Variants in MON2 observed in about 807,000 individuals in gnomAD.
MON2 encodes MON2 regulator of endosome-to-Golgi trafficking.
MON2 carries 84 observed loss-of-function variants against 208.6 expected under a neutral mutation model. That is an observed-to-expected ratio of 0.40 (90% CI 0.34 to 0.48). The LOEUF (loss-of-function observed/expected upper bound fraction) is 0.48, where lower values mean the gene tolerates loss of function less well. Ranked by LOEUF, MON2 falls within the 20% of genes least tolerant of loss-of-function variation. The pLI is 0.59. For synonymous variants in MON2, 660 were observed against 694.0 expected (o/e 0.95, Z 0.77); for missense variants, 1,611 against 2,015.4 (o/e 0.80, Z 3.84).
chr12:62,497,265 G>A (rs1317047901), intron 4 of MON2, among the ~76,000 whole-genome samples: 1 of 151,668 alleles, frequency 6.6e-6, no homozygotes, highest in Non-Finnish European at 1.5e-5. Context: ...GTACACATAT[G>A]TAACTAACCT....
chr12:62,495,175 A>T (rs2070399227), intron 4 of MON2, 28 bp downstream of exon 4: 1 of 1,578,276 alleles, frequency 6.3e-7, no homozygotes, highest in African/African-American at 1.4e-5. Flanking sequence ...CAGAGTTCAT[A>T]TGTGCTTTGA....
chr12:62,585,829 G>T, intron 33 of MON2: 1 of 175,352 alleles, frequency 5.7e-6, no homozygotes, highest in Non-Finnish European at 1.2e-5. Context: ...AGTACTTGTG[G>T]ATCTCTATGA....
intron 32 of MON2, among the ~76,000 whole-genome samples, 164 bp from the exon 33 acceptor site, chr12:62,585,125 CAAAAA>C (rs750233421): frequency 3.1e-5 from 2 of 64,274 alleles, no homozygotes; most frequent in African/African-American, 6.7e-5. Context: ...CAAAAAAAAA[CAAAAA>C]AAAAACACAT....
rs147358087 is a variant in MON2, at chr12:62,475,749, C to A, written c.112-8421C>A. Among the ~76,000 whole-genome samples the A allele has an allele frequency of 9.7e-3, 1,451 of 149,276 alleles. 19 individuals carry two copies. Among genetic ancestry groups the A allele is most frequent in the African/African-American group, 0.033 (1,359 of 40,710 alleles). ...CTTCAGCCGGGCACAGTGGCTCATGCCTGTAATCCCAGCACTTTGGGAGGC... is the reference window on the plus strand; with the variant it reads ...CTTCAGCCGGGCACAGTGGCTCATGACTGTAATCCCAGCACTTTGGGAGGC... On this transcript the variant is annotated intron_variant, in intron 1 of 34. Coordinates refer to ENST00000393630, the MANE Select transcript of MON2 (RefSeq NM_015026.3).
At chr12:62,467,494 G>A (rs780653656) in intron 1 of MON2, among the ~76,000 whole-genome samples, 176 bp downstream of exon 1, 4 of 152,130 alleles carry the variant, frequency 2.6e-5, no homozygotes, top group African/African-American at 4.8e-5. Flanking sequence ...GAGGGCTGAG[G>A]CACTTTGATT....
chr12:62,520,055 T>G (rs1390893444), intron 8 of MON2, among the ~76,000 whole-genome samples: 1 of 152,228 alleles, frequency 6.6e-6, no homozygotes, highest in Non-Finnish European at 1.5e-5. Flanking sequence ...GACCTCGTGA[T>G]CTGCCCGCCT....
chr12:62,501,213 C>T (rs1182880527), intron 6 of MON2, among the ~76,000 whole-genome samples: 3 of 151,896 alleles, frequency 2.0e-5, no homozygotes, highest in African/African-American at 7.3e-5. Flanking sequence ...TACATAGATA[C>T]CTGATTTTTA....
In MON2 at chr12:62,524,505, A is replaced by T; in HGVS notation, c.985-10A>T. 1 of 1,591,806 alleles carries T rather than the reference A, an allele frequency of 6.3e-7. No homozygotes were observed. The highest frequency in any genetic ancestry group is 1.1e-5 in the South Asian group (1 of 90,338). ...TCAAAGAAATAGTATTAAAAATCATATATTTTTAGGTAACTGAATGTGAGA... is the reference window on the plus strand; with the variant it reads ...TCAAAGAAATAGTATTAAAAATCATTTATTTTTAGGTAACTGAATGTGAGA... On this transcript the variant is annotated splice_polypyrimidine_tract_variant and intron_variant, in intron 8 of 34. Transcript: ENST00000393630.
intron 1 of MON2, chr12:62,470,728 C>G (rs1278949122): frequency 8.6e-7 from 1 of 1,164,462 alleles, no homozygotes; most frequent in East Asian, 7.5e-5. Flanking sequence ...CTAACTGAGC[C>G]TGGAAGTTGG....
At chr12:62,534,140 C>T (rs1354980696) in intron 12 of MON2, among the ~76,000 whole-genome samples, 1 of 151,998 alleles carries the variant, frequency 6.6e-6, no homozygotes, top group Admixed American at 6.5e-5. Context: ...CCTATAATCC[C>T]AGCTACCTGG....
chr12:62,549,698 T>C lies in MON2; in HGVS notation c.2784T>C (p.Cys928=), dbSNP rs1463022060. Residue 928 remains cysteine, a synonymous_variant, in exon 23 of 35, where the codon TGT becomes TGC. Coordinates refer to ENST00000393630, the MANE Select transcript of MON2 (RefSeq NM_015026.3). ...CCTTGATACGAACTGCATTCCAGTG[T>C]CTTCAGTTGGTTGTGACAGATTTTC... is the stretch of plus-strand genomic sequence containing the variant. ...GESLIRTAFQ[C]LQLVVTDFLP... is the part of the protein sequence containing the mutation. 6.2e-7 allele frequency: 1 copy of C among 1,610,282 alleles called. No homozygotes were observed.
chr12:62,509,720 G>T (rs1423046623), intron 8 of MON2, among the ~76,000 whole-genome samples: 1 of 152,096 alleles, frequency 6.6e-6, no homozygotes, highest in Non-Finnish European at 1.5e-5. Context: ...ATGGAATCCA[G>T]CCAGAAATCA....
At chr12:62,534,517 G>T (rs10784305) in intron 12 of MON2, among the ~76,000 whole-genome samples, 66,080 of 87,914 alleles carry the variant, frequency 0.75, 22,506 homozygotes, top group Middle Eastern at 0.8. Context: ...AGACTCCATC[G>T]CAAAAAAAAA....
In MON2 at chr12:62,597,172, T is replaced by C. The variant is rs1009424019; in HGVS notation, c.*4423T>C. ...ATTTATTACTATATTGTAAGAGAGA[T>C]CTTTGACCATTTTTCTTCCTTTTTC... On this transcript the variant is annotated 3_prime_UTR_variant, in exon 35 of 35. Coordinates refer to ENST00000393630, the MANE Select transcript of MON2 (RefSeq NM_015026.3). The C allele has an allele frequency of 5.3e-5, 8 of 152,204 alleles. No homozygotes were observed. The highest frequency in any genetic ancestry group is 1.9e-4 in the African/African-American group (8 of 41,452). 9.4% of individuals were successfully genotyped at this position (152,204 alleles called of 1,614,324 possible). A position where few individuals can be genotyped will look rare whatever the true frequency, so the allele number is the denominator to read the frequency against.
intron 8 of MON2, among the ~76,000 whole-genome samples, chr12:62,520,449 CTGTT>C (rs1449301026): frequency 2.6e-5 from 4 of 151,952 alleles, no homozygotes; most frequent in East Asian, 1.9e-4. Context: ...TTTTGAGAAA[CTGTT>C]TGTACAGTAT....
intron 25 of MON2, among the ~76,000 whole-genome samples, chr12:62,557,283 A>T (rs1276188125): frequency 6.6e-6 from 1 of 152,196 alleles, no homozygotes; most frequent in Non-Finnish European, 1.5e-5. Context: ...TTGGTTGTGT[A>T]TATCAGTGGT....
chr12:62,561,238 A>G (rs2074186496), intron 26 of MON2, 125 bp downstream of exon 26: 1 of 742,452 alleles, frequency 1.3e-6, no homozygotes, highest in Admixed American at 3.5e-5. Flanking sequence ...ACTTTGGGAT[A>G]AACTGAGGAT....
intron 8 of MON2, among the ~76,000 whole-genome samples, chr12:62,522,770 A>G (rs11174531): frequency 0.12 from 17,944 of 152,190 alleles, 1,153 homozygotes; most frequent in African/African-American, 0.14. Flanking sequence ...CAGTGCTCTC[A>G]ACACTAGTTC....
chr12:62,525,849 A>G (rs1377117684), intron 10 of MON2, 100 bp from the exon 11 acceptor site: 11 of 1,089,442 alleles, frequency 1.0e-5, no homozygotes, highest in Non-Finnish European at 1.2e-5. Context: ...CTGATAGCAC[A>G]GAAATTTTTT....
Sources: gnomAD v4.1 joint callset for allele counts (sites outside exome capture counted in the v4.1 genomes callset) on GRCh38, gnomAD v4.1.1 for gene constraint, MANE v1.5 for transcripts, NCBI Gene and HGNC (gene_info 2026-07-23, HGNC 2026-07-21) for gene names.